The following XKR9 variants were observed in gnomAD, a reference collection of about 807,000 sequenced individuals.
XKR9 encodes XK-related protein 9.
XKR9 carries 32 observed loss-of-function variants against 32.0 expected under a neutral mutation model. The observed-to-expected ratio is 1.00, with a 90% confidence interval of 0.76 to 1.34. The LOEUF is 1.34. Among genes scored for constraint, XKR9 ranks in the 40% most tolerant of loss-of-function variants. The pLI is 0.00. For missense variants in XKR9, 546 were observed against 429.7 expected, an observed-to-expected ratio of 1.27 and a Z score of -2.39; for synonymous variants, 168 against 143.4, an observed-to-expected ratio of 1.17 and a Z score of -1.22.
chr8:70,880,314 G>A, the XKR9 span, among the ~76,000 whole-genome samples: 1 of 152,158 alleles, frequency 6.6e-6, no homozygotes, highest in East Asian at 1.9e-4. Context: ...TATTCAATTG[G>A]AAATGAGGAA....
chr8:70,926,938 CA>C, the XKR9 span, among the ~76,000 whole-genome samples: 1 of 151,928 alleles, frequency 6.6e-6, no homozygotes, highest in African/African-American at 2.4e-5. Context: ...ATATGAAAAC[CA>C]AGAGCTTCTA....
the XKR9 span, among the ~76,000 whole-genome samples, chr8:70,819,463 T>C: frequency 6.6e-6 from 1 of 152,186 alleles, no homozygotes; most frequent in African/African-American, 2.4e-5. Flanking sequence ...CCACTAGTGT[T>C]TCAGTATTCA....
the XKR9 span, among the ~76,000 whole-genome samples, chr8:70,974,956 T>G: frequency 6.6e-6 from 1 of 152,212 alleles, no homozygotes; most frequent in East Asian, 1.9e-4. Context: ...TGGTATCTCA[T>G]TATAGTTTTG....
the XKR9 span, among the ~76,000 whole-genome samples, chr8:70,956,605 C>A: frequency 1.6e-4 from 25 of 152,244 alleles, no homozygotes; most frequent in African/African-American, 6.0e-4. Flanking sequence ...CCCAGGTTGT[C>A]CATTTCAAGA....
At chr8:70,725,226 A>G (rs1325750288) in intron 4 of XKR9, among the ~76,000 whole-genome samples, 1 of 152,124 alleles carries the variant, frequency 6.6e-6, no homozygotes, top group Non-Finnish European at 1.5e-5. Flanking sequence ...TCAAGATGAG[A>G]TTTGGGTGGG....
the XKR9 span, among the ~76,000 whole-genome samples, chr8:71,012,192 C>T: frequency 6.6e-6 from 1 of 152,066 alleles, no homozygotes; most frequent in African/African-American, 2.4e-5. Context: ...AGTGCCAATT[C>T]TACAGTGAAT....
At chr8:70,808,725 G>A in the XKR9 span, among the ~76,000 whole-genome samples, 1 of 152,222 alleles carries the variant, frequency 6.6e-6, no homozygotes, top group African/African-American at 2.4e-5. Flanking sequence ...AGATAAAACT[G>A]CAAGGTGGCA....
chr8:71,010,312 C>CA, the XKR9 span, among the ~76,000 whole-genome samples: 1 of 152,188 alleles, frequency 6.6e-6, no homozygotes. Flanking sequence ...GGACGATTAA[C>CA]ATGGACTCTT....
chr8:70,962,052 AT>A, the XKR9 span, among the ~76,000 whole-genome samples: 3 of 152,180 alleles, frequency 2.0e-5, no homozygotes, highest in Non-Finnish European at 4.4e-5. Flanking sequence ...ATAAAGCATT[AT>A]TTGAAAGTAC....
the XKR9 span, among the ~76,000 whole-genome samples, chr8:70,986,816 C>T: frequency 1.3e-5 from 2 of 152,310 alleles, no homozygotes; most frequent in East Asian, 1.9e-4. Flanking sequence ...CGTTTTCACA[C>T]TGTTGATAAA....
chr8:70,986,334 T>C, the XKR9 span, among the ~76,000 whole-genome samples: 2 of 152,214 alleles, frequency 1.3e-5, no homozygotes, highest in South Asian at 4.1e-4. Flanking sequence ...TATTTTATGG[T>C]ATTGGAATTA....
chr8:70,818,085 T>G, the XKR9 span, among the ~76,000 whole-genome samples: 1 of 152,172 alleles, frequency 6.6e-6, no homozygotes, highest in Non-Finnish European at 1.5e-5. Context: ...TAAAAGCAAC[T>G]GCAGCAAGAA....
chr8:70,819,490 G>A, the XKR9 span, among the ~76,000 whole-genome samples: 4 of 152,296 alleles, frequency 2.6e-5, no homozygotes, highest in Non-Finnish European at 5.9e-5. Flanking sequence ...TCTGAGTGGT[G>A]ATGAAAAGAC....
At chr8:70,681,391 T>A (rs1819078742) in intron 3 of XKR9, 61 bp downstream of exon 3, 6 of 1,541,736 alleles carry the variant, frequency 3.9e-6, no homozygotes, top group Non-Finnish European at 5.2e-6. Flanking sequence ...AGCTACCATT[T>A]TGTATCTTAT....
the XKR9 span, among the ~76,000 whole-genome samples, chr8:70,987,808 G>A: frequency 6.6e-6 from 1 of 152,122 alleles, no homozygotes; most frequent in Non-Finnish European, 1.5e-5. Context: ...TCTCCATGAG[G>A]ACCCCACCCC....
Position 70,684,298 on chromosome 8 carries a change from C to T in XKR9, c.272+2968C>T, listed in dbSNP as rs189509227. Among the ~76,000 whole-genome samples the T allele has an allele frequency of 2.6e-4, 40 of 152,212 alleles. 1 individual carries two copies. The highest frequency in any genetic ancestry group is 8.7e-4 in the African/African-American group (36 of 41,544). On this transcript the variant is annotated intron_variant, in intron 3 of 4. Transcript: ENST00000408926. ...GGATGCCAATCAAATGTAAGTTACA[C>T]GTTCTCACTGTGTTTAACATAACTA...
chr8:70,802,400 C>T, the XKR9 span, among the ~76,000 whole-genome samples: 3 of 152,164 alleles, frequency 2.0e-5, no homozygotes, highest in African/African-American at 7.2e-5. Context: ...CTCCTGTAGA[C>T]AGCATACAAT....
the XKR9 span, among the ~76,000 whole-genome samples, chr8:70,858,951 AT>A: frequency 6.6e-6 from 1 of 152,242 alleles, no homozygotes. Context: ...CTGGGCAAAG[AT>A]TTTTTGTGTA....
At chr8:70,745,547 C>A (rs1284233992) in intron 2 of XKR9, among the ~76,000 whole-genome samples, 2 of 152,106 alleles carry the variant, frequency 1.3e-5, no homozygotes, top group South Asian at 2.1e-4. Context: ...TCCTGAGTTT[C>A]TTTTTAGTAG....
Sources: gnomAD v4.1 joint callset for allele counts (sites outside exome capture counted in the v4.1 genomes callset) on GRCh38, gnomAD v4.1.1 for gene constraint, MANE v1.5 for transcripts, NCBI Gene and HGNC (gene_info 2026-07-23, HGNC 2026-07-21) for gene names.